DPP9: variants seen among roughly 807,000 people sequenced by gnomAD.
DPP9 encodes dipeptidyl peptidase 9.
In DPP9, 50 loss-of-function variants were observed where a neutral mutation model predicts 110.7. That is an observed-to-expected ratio of 0.45 (90% confidence interval 0.36 to 0.57). The LOEUF is 0.57. Ranked by LOEUF, DPP9 falls within the 20% of genes least tolerant of loss-of-function variation. The pLI is 0.00. For synonymous variants in DPP9, 561 were observed against 514.4 expected (o/e 1.09, Z -1.23); for missense variants, 1,022 against 1,217.9 (o/e 0.84, Z 2.39).
chr19:4,679,583 TGGCAGCCCCCGATCCCGTGCTTCCA>T, intron 21 of DPP9: 1 of 518,502 alleles, frequency 1.9e-6, no homozygotes, highest in Middle Eastern at 5.3e-4. Context: ...GGGGTGGGTG[TGGCAGCCCCCGATCCCGTGCTTCCA>T]GCACCGAAGG....
rs779134209 is a variant in DPP9 at position 4,683,670 on chromosome 19, G to A, written c.2179-41C>T. On this transcript the variant is annotated intron_variant, in intron 18 of 21. Transcript: ENST00000262960. Reference sequence around the variant, plus strand: ...GGGCACCTCTCAGTGGCCTCCTCCCGGTATGTCCCTCCCCTGCAGTGACAC... The same window carrying A: ...GGGCACCTCTCAGTGGCCTCCTCCCAGTATGTCCCTCCCCTGCAGTGACAC... The A allele has an allele frequency of 8.7e-6, 14 of 1,612,976 alleles. No homozygotes were observed. In the South Asian group the frequency reaches 1.2e-4, roughly 14 times the overall value.
Position 4,702,106 on chromosome 19 carries a change from C to T in DPP9, c.933G>A (p.Glu311=), listed in dbSNP as rs1373785856. The change falls in exon 9 of 22, where the codon GAG becomes GAA. Residue 311 remains glutamate (E), a synonymous_variant. Transcript: ENST00000262960. ...TLRILYEEVD[E]SEVEVIHVPS... ...GGACGTGAATGACCTCCACCTCGGA[C>T]TCATCGACTTCCTCATACAGGATTC... is the stretch of plus-strand genomic sequence containing the variant. 1.9e-6 allele frequency: 3 copies of T among 1,613,830 alleles called. No individual in the cohort carries two copies. In the African/African-American group the frequency reaches 4.0e-5, roughly 22 times the overall value.
In DPP9 at chr19:4,682,590, C is replaced by G. The variant is rs2090056455; in HGVS notation, c.2474+106G>C. The G allele has an allele frequency of 6.7e-7, 1 of 1,496,900 alleles. No homozygotes were observed. Among genetic ancestry groups the G allele is most frequent in the Non-Finnish European group, 8.9e-7 (1 of 1,117,364 alleles). The allele number at this position is 1,496,900 out of a possible 1,614,324, so 92.7% of individuals were successfully genotyped here. On this transcript the variant is annotated intron_variant, in intron 20 of 21. Coordinates refer to ENST00000262960, the MANE Select transcript of DPP9 (RefSeq NM_139159.5). The surrounding 1 kb of genome is among the most constrained non-coding windows in gnomAD (Gnocchi z 7.1). ...GGAGGCTCCACATGGCCTGAGGCTC[C>G]CTGGGCAGGGCCAGCTGGGGCAGGA...
Position 4,695,086 on chromosome 19 carries a change from G to A in DPP9, c.1354-263C>T. ...GGATCACTTAGGCCCAGGAGGTCAA[G>A]GCTGCAGTGAGCTATGACCACACCA... is the stretch of plus-strand genomic sequence containing the variant. On this transcript the variant is annotated intron_variant, in intron 12 of 21. Coordinates refer to ENST00000262960, the MANE Select transcript of DPP9 (RefSeq NM_139159.5). The surrounding 1 kb of genome is among the most constrained non-coding windows in gnomAD (Gnocchi z 4.7). The A allele has an allele frequency of 1.7e-6, 1 of 592,698 alleles. No individual in the cohort carries two copies. The highest frequency in any genetic ancestry group is 3.0e-6 in the Non-Finnish European group (1 of 335,794). The allele number at this position is 592,698 out of a possible 1,614,324, so 36.7% of individuals were successfully genotyped here.
At position 4,693,816 on chromosome 19, in the gene DPP9, A is replaced by T. The variant is rs932509850; in HGVS notation, c.1516+845T>A. 6.9e-6 allele frequency among the ~76,000 whole-genome samples: 1 copy of T among 144,256 alleles called. No homozygotes were observed. The highest frequency in any genetic ancestry group is 1.5e-5 in the Non-Finnish European group (1 of 65,432). 94.6% of individuals were successfully genotyped at this position (144,256 alleles called of 152,430 possible). A position where few individuals can be genotyped will look rare whatever the true frequency, so the allele number is the denominator to read the frequency against. ...TGCACCATCTGCTTTTTCTCTCCCC[A>T]CCCTCTCCTCCCTCTCTCCCCCTCC... On this transcript the variant is annotated intron_variant, in intron 13 of 21. Coordinates refer to ENST00000262960, the MANE Select transcript of DPP9 (RefSeq NM_139159.5). The surrounding 1 kb of genome is among the most constrained non-coding windows in gnomAD (Gnocchi z 5.0).
chr19:4,689,941 G>A lies in DPP9; in HGVS notation c.1597-219C>T, dbSNP rs557182315. The stretch of plus-strand genomic sequence containing the variant: ...AGCCCCTGGTCGAGCTGGGAACTGC[G>A]TGTCCTCAGGCGGGACCTGGGGCCT... On this transcript the variant is annotated intron_variant, in intron 14 of 21. Transcript: ENST00000262960. This position sits in a 1 kb window ranked among gnomAD's most constrained non-coding sequence, Gnocchi z 7.0. 1.3e-5 allele frequency among the ~76,000 whole-genome samples: 2 copies of A among 152,336 alleles called. No individual in the cohort carries two copies. Among genetic ancestry groups the A allele is most frequent in the African/African-American group, 2.4e-5 (1 of 41,580 alleles).
At chr19:4,714,028 A>C in intron 4 of DPP9, 53 bp downstream of exon 4, 3 of 1,546,304 alleles carry the variant, frequency 1.9e-6, no homozygotes, top group Admixed American at 3.9e-5. Flanking sequence ...GGACCAGGGA[A>C]CTGTGGTCCC....
intron 4 of DPP9, among the ~76,000 whole-genome samples, chr19:4,713,840 G>A (rs1315513978): frequency 2.0e-5 from 3 of 152,138 alleles, no homozygotes; most frequent in Non-Finnish European, 2.9e-5. Flanking sequence ...TGGAGGAGCG[G>A]GGCTGCCCTG....
Position 4,700,219 on chromosome 19 carries a change from G to C in DPP9, c.1071C>G (p.Gly357=). The part of the protein sequence containing the change: ...KLAEFQTDSQ[G]KIVSTQEKEL... ...GGTATGCAGCAGGCCCCCTTACCTT[G>C]CCCTGGCTGTCAGTCTGGAACTCAG... The change falls in exon 10 of 22, where the codon GGC becomes GGG. Residue 357 remains glycine (G), a synonymous_variant. Coordinates refer to ENST00000262960, the MANE Select transcript of DPP9 (RefSeq NM_139159.5). The surrounding 1 kb of genome is among the most constrained non-coding windows in gnomAD (Gnocchi z 4.3). 2 of 1,583,252 alleles carry C rather than the reference G, an allele frequency of 1.3e-6. No homozygotes were observed. The highest frequency in any genetic ancestry group is 1.7e-6 in the Non-Finnish European group (2 of 1,159,754).
chr19:4,697,318 T>C (rs553036725), intron 11 of DPP9, among the ~76,000 whole-genome samples: 1 of 152,354 alleles, frequency 6.6e-6, no homozygotes, highest in South Asian at 2.1e-4. Flanking sequence ...TGGATCAGCA[T>C]GTCCTAGTGG....
rs530162266 is a variant in DPP9, at chr19:4,702,147, C to T, written c.892G>A (p.Gly298Ser). The change falls in exon 9 of 22, where the codon GGC becomes AGC. Residue 298 changes from glycine (G) to serine (S), a missense_variant. This residue lies in a region of DPP9 where 810 missense variants were observed against 920.6 expected (regional missense o/e 0.88). Transcript: ENST00000262960. ...TACAGGATTCGCAGCGTCTTGAGGCCCTCTGAACCTTGGGTGGGGTGGTGG... is the reference window on the plus strand; with the variant it reads ...TACAGGATTCGCAGCGTCTTGAGGCTCTCTGAACCTTGGGTGGGGTGGTGG... ...CPTASWEGSE[G>S]LKTLRILYEE... 1.9e-6 allele frequency: 3 copies of T among 1,610,326 alleles called. No homozygotes were observed. The Admixed American group carries it at 5.1e-5, about 27-fold the overall frequency.
At chr19:4,702,875 C>T (rs1277056703) in intron 7 of DPP9, among the ~76,000 whole-genome samples, 159 bp from the exon 8 acceptor site, 2 of 8,750 alleles carry the variant, frequency 2.3e-4, no homozygotes, top group Non-Finnish European at 4.6e-4. Flanking sequence ...AGGGAGAGCT[C>T]GGAGCCGACT....
intron 9 of DPP9, 144 bp downstream of exon 9, chr19:4,701,883 G>T: frequency 8.3e-7 from 1 of 1,211,280 alleles, no homozygotes; most frequent in Non-Finnish European, 1.1e-6. Flanking sequence ...CCCCTGCAGG[G>T]CAGAAGCCTT....
chr19:4,689,551 T>G lies in DPP9; in HGVS notation c.1749+19A>C. 6.5e-7 allele frequency: 1 copy of G among 1,547,302 alleles called. No homozygotes were observed. Among genetic ancestry groups the G allele is most frequent in the South Asian group, 1.2e-5 (1 of 84,224 alleles). ...GTTGGACGGGCACAGGGCGGTGCCG[T>G]GAGGCTGGGCGGTCCCACCTGGCTC... On this transcript the variant is annotated intron_variant, in intron 15 of 21. Coordinates refer to ENST00000262960, the MANE Select transcript of DPP9 (RefSeq NM_139159.5). This position sits in a 1 kb window ranked among gnomAD's most constrained non-coding sequence, Gnocchi z 7.0.
intron 7 of DPP9, 67 bp from the exon 8 acceptor site, chr19:4,702,783 G>C (rs911062874): frequency 2.2e-6 from 2 of 915,220 alleles, no homozygotes; most frequent in African/African-American, 3.9e-5. Flanking sequence ...ACAGCCAGGG[G>C]CTCAAGGAGA....
Position 4,682,941 on chromosome 19 carries a change from G to A in DPP9, c.2332-103C>T, listed in dbSNP as rs551970088. On this transcript the variant is annotated intron_variant, in intron 19 of 21. Transcript: ENST00000262960. This position sits in a 1 kb window ranked among gnomAD's most constrained non-coding sequence, Gnocchi z 7.1. ...CTGTCCCGGGGCCGCCCTGGAGCCC[G>A]TGAGGAGCGCTCATGCACATGGGGC... 997 of 1,535,174 alleles carry A rather than the reference G, an allele frequency of 6.5e-4. No individual in the cohort carries two copies. Among genetic ancestry groups the A allele is most frequent in the Non-Finnish European group, 6.4e-4 (739 of 1,146,276 alleles).
intron 13 of DPP9, among the ~76,000 whole-genome samples, chr19:4,692,624 C>T (rs1021520245): frequency 3.3e-5 from 5 of 152,238 alleles, no homozygotes; most frequent in African/African-American, 1.2e-4. Flanking sequence ...GCCGGGGGTC[C>T]CTGGGGGCAC....
chr19:4,703,584 C>T (rs891372187), intron 7 of DPP9, among the ~76,000 whole-genome samples: 8 of 151,352 alleles, frequency 5.3e-5, no homozygotes, highest in Admixed American at 2.0e-4. Flanking sequence ...TGCAGTGAGC[C>T]GAGATCATAC....
chr19:4,708,197 C>T (rs2092679076), intron 4 of DPP9, among the ~76,000 whole-genome samples: 1 of 152,150 alleles, frequency 6.6e-6, no homozygotes, highest in African/African-American at 2.4e-5. Flanking sequence ...CAGCCCAGGC[C>T]CTGAGCCAAA....
Sources: gnomAD v4.1 joint callset for allele counts (sites outside exome capture counted in the v4.1 genomes callset) on GRCh38, gnomAD v4.1.1 for gene constraint, gnomAD v4.1.1 regional missense constraint, Gnocchi (gnomAD v3.1) non-coding constraint, MANE v1.5 for transcripts, NCBI Gene and HGNC (gene_info 2026-07-23, HGNC 2026-07-21) for gene names.